ADAMTS18: variants seen among roughly 807,000 people sequenced by gnomAD.
ADAMTS18 encodes ADAM metallopeptidase with thrombospondin type 1 motif 18, also known as A disintegrin and metalloproteinase with thrombospondin motifs 18.
A neutral mutation model predicts 165.9 loss-of-function variants in ADAMTS18; 157 were observed. The ratio of observed to expected loss-of-function variants is 0.95; its 90% CI spans 0.83 to 1.08. The LOEUF is 1.08. Ranked by LOEUF, ADAMTS18 falls within the 50% of genes least tolerant of loss-of-function variation. ADAMTS18 has a pLI of 0.00. For synonymous variants in ADAMTS18, 782 were observed against 578.2 expected (o/e 1.35, Z -5.06); for missense variants, 2,040 against 1,534.0 (o/e 1.33, Z -5.51).
At chr16:77,362,315 A>G in intron 6 of ADAMTS18, 51 bp from the exon 7 acceptor site, 1 of 1,592,680 alleles carries the variant, frequency 6.3e-7, no homozygotes, top group Non-Finnish European at 8.6e-7. Flanking sequence ...AGAGATGAGA[A>G]TGCTGAATCA....
intron 18 of ADAMTS18, among the ~76,000 whole-genome samples, chr16:77,295,827 T>G (rs1355710258): frequency 2.0e-5 from 3 of 152,138 alleles, no homozygotes; most frequent in Non-Finnish European, 4.4e-5. Context: ...GGTATATATT[T>G]GAACGGTTAT....
At chr16:77,343,125 T>A (rs576552984) in intron 10 of ADAMTS18, among the ~76,000 whole-genome samples, 3 of 149,510 alleles carry the variant, frequency 2.0e-5, no homozygotes, top group Non-Finnish European at 4.4e-5. Flanking sequence ...CAGCCTGGAG[T>A]GCAATGGCAC....
chr16:77,333,670 T>C (rs1446170819), intron 12 of ADAMTS18, among the ~76,000 whole-genome samples: 4 of 151,416 alleles, frequency 2.6e-5, no homozygotes, highest in Non-Finnish European at 5.9e-5. Flanking sequence ...TTATTCACAA[T>C]AACCAAGACA....
chr16:77,434,562 G>GC lies in ADAMTS18; in HGVS notation c.90+43dup, dbSNP rs762990285. ...GGGCGCGGCGGGGCTGGCGTCGGGCGCCCCCTGCCACCCGCTCTCGGAGCT... is the reference window on the plus strand; with the variant it reads ...GGGCGCGGCGGGGCTGGCGTCGGGCGCCCCCCTGCCACCCGCTCTCGGAGCT... On this transcript the variant is annotated intron_variant, in intron 1 of 22. Transcript: ENST00000282849. The GC allele has an allele frequency of 3.6e-5, 55 of 1,530,474 alleles. No individual in the cohort carries two copies. The South Asian group carries it at 6.4e-4, about 18-fold the overall frequency. The allele number at this position is 1,530,474 out of a possible 1,614,324, so 94.8% of individuals were successfully genotyped here. A position where few individuals can be genotyped will look rare whatever the true frequency, so the allele number is the denominator to read the frequency against.
At chr16:77,322,302 G>A (rs754544184) in intron 14 of ADAMTS18, 34 bp downstream of exon 14, 1 of 1,612,118 alleles carries the variant, frequency 6.2e-7, no homozygotes, top group Non-Finnish European at 8.5e-7. Flanking sequence ...ACACAAGCAT[G>A]CTCATACACT....
chr16:77,305,346 T>C lies in ADAMTS18; in HGVS notation c.2533-4942A>G, dbSNP rs187996683. On this transcript the variant is annotated intron_variant, in intron 16 of 22. Coordinates refer to ENST00000282849, the MANE Select transcript of ADAMTS18 (RefSeq NM_199355.4). ...GAATCTCTGTGGGAAAGTTTCTCTT[T>C]CACCCTGTTCTTAAAAAAAAATCAG... 4.6e-4 allele frequency among the ~76,000 whole-genome samples: 70 copies of C among 152,280 alleles called. No homozygotes were observed. The East Asian group carries it at 0.011, about 23-fold the overall frequency.
chr16:77,396,899 T>G (rs1373083513), intron 3 of ADAMTS18, among the ~76,000 whole-genome samples: 1 of 151,636 alleles, frequency 6.6e-6, no homozygotes, highest in African/African-American at 2.4e-5. Context: ...CTCTGCCCCC[T>G]GGATTCAAGC....
chr16:77,431,391 T>A lies in ADAMTS18; in HGVS notation c.399A>T (p.Ser133=), dbSNP rs550081878. 12 of 1,614,172 alleles carry A rather than the reference T, an allele frequency of 7.4e-6. No individual in the cohort carries two copies. Among genetic ancestry groups the A allele is most frequent in the Admixed American group, 1.7e-5 (1 of 60,026 alleles). ...GCTGCACCTCGGGTTTCTGAGTCTCTGAAGCACCATCTTTTCCAAGTACCT... is the reference window on the plus strand; with the variant it reads ...GCTGCACCTCGGGTTTCTGAGTCTCAGAAGCACCATCTTTTCCAAGTACCT... The part of the protein sequence containing the change: ...IVQVLGKDGA[S]ETQKPEVQQC... The change falls in exon 3 of 23, where the codon TCA becomes TCT. Residue 133 remains serine, a synonymous_variant. Coordinates refer to ENST00000282849, the MANE Select transcript of ADAMTS18 (RefSeq NM_199355.4).
rs201923014 is a variant in ADAMTS18 at position 77,294,892 on chromosome 16, G to A, written c.3006+31C>T. The A allele has an allele frequency of 1.8e-3, 2,870 of 1,609,768 alleles. 3 individuals are homozygous for A. Among genetic ancestry groups the A allele is most frequent in the Non-Finnish European group, 2.3e-3 (2,722 of 1,176,620 alleles). ...CTACTTTTGCCTTCATGGGGACCGA[G>A]AATAGTAACTCCCAAGTTTTCTCCT... On this transcript the variant is annotated intron_variant, in intron 19 of 22. Transcript: ENST00000282849.
At chr16:77,430,243 G>A (rs1460206965) in intron 3 of ADAMTS18, among the ~76,000 whole-genome samples, 1 of 152,164 alleles carries the variant, frequency 6.6e-6, no homozygotes, top group African/African-American at 2.4e-5. Context: ...ATAGGTCAAT[G>A]GTGAGCCATG....
intron 3 of ADAMTS18, 25 bp from the exon 4 acceptor site, chr16:77,367,748 C>A: frequency 1.2e-6 from 2 of 1,614,160 alleles, no homozygotes; most frequent in South Asian, 1.1e-5. Flanking sequence ...ACAAAGCAAA[C>A]AGTCATGATT....
At chr16:77,328,542 T>A (rs2056134494) in intron 12 of ADAMTS18, among the ~76,000 whole-genome samples, 1 of 152,156 alleles carries the variant, frequency 6.6e-6, no homozygotes. Context: ...TTTAAAACAC[T>A]CTGGAGCAAC....
intron 10 of ADAMTS18, among the ~76,000 whole-genome samples, chr16:77,349,904 T>C (rs1414713486): frequency 6.6e-6 from 1 of 152,162 alleles, no homozygotes; most frequent in South Asian, 2.1e-4. Flanking sequence ...TCTCAGTGGG[T>C]CTATGAATAA....
intron 3 of ADAMTS18, among the ~76,000 whole-genome samples, chr16:77,425,456 C>T (rs575035884): frequency 1.3e-5 from 2 of 152,328 alleles, no homozygotes; most frequent in East Asian, 1.9e-4. Context: ...CAGTCCACTA[C>T]TCTTGCCAGC....
intron 20 of ADAMTS18, 110 bp downstream of exon 20, chr16:77,292,966 C>G: frequency 7.3e-7 from 1 of 1,373,190 alleles, no homozygotes; most frequent in Non-Finnish European, 1.0e-6. Context: ...ACTACAGGCG[C>G]CTGCCACCTT....
At chr16:77,326,743 CA>C (rs1413183540) in intron 12 of ADAMTS18, among the ~76,000 whole-genome samples, 3 of 152,150 alleles carry the variant, frequency 2.0e-5, no homozygotes, top group East Asian at 3.9e-4. Flanking sequence ...ATTTTAGGTT[CA>C]GGGGTACATG....
intron 3 of ADAMTS18, among the ~76,000 whole-genome samples, chr16:77,412,659 G>C (rs749030251): frequency 6.6e-6 from 1 of 152,138 alleles, no homozygotes; most frequent in Non-Finnish European, 1.5e-5. Flanking sequence ...TGAAACGCAC[G>C]TCTTACATGG....
In ADAMTS18 at chr16:77,396,569, A is replaced by T. The variant is rs191763128; in HGVS notation, c.496-28846T>A. Among the ~76,000 whole-genome samples the T allele has an allele frequency of 3.8e-3, 586 of 152,358 alleles. 2 individuals are homozygous for T. Among genetic ancestry groups the T allele is most frequent in the Non-Finnish European group, 5.0e-3 (340 of 68,038 alleles). ...CTACAGGAAATATTTGAAGGTAGGT[A>T]TCTTAATCGAAAAACAAATGTTGAA... On this transcript the variant is annotated intron_variant, in intron 3 of 22. Transcript: ENST00000282849.
intron 16 of ADAMTS18, among the ~76,000 whole-genome samples, chr16:77,305,868 C>A (rs2055672631): frequency 6.6e-6 from 1 of 152,166 alleles, no homozygotes; most frequent in South Asian, 2.1e-4. Context: ...GGGAACACAT[C>A]TTGGGCAATA....
Sources: allele counts gnomAD v4.1 joint callset (sites outside exome capture counted in the v4.1 genomes callset), GRCh38; gene constraint gnomAD v4.1.1; transcripts MANE v1.5; gene names NCBI Gene and HGNC (gene_info 2026-07-23, HGNC 2026-07-21).